Variants in MSRA observed in about 807,000 individuals in gnomAD.
The protein encoded by MSRA is mitochondrial peptide methionine sulfoxide reductase.
A neutral mutation model predicts 31.3 loss-of-function variants in MSRA; 54 were observed. The observed-to-expected ratio is 1.73, with a 90% CI of 1.39 to 2.17. The LOEUF (loss-of-function observed/expected upper bound fraction) is 2.17. Ranked by LOEUF, MSRA falls within the 30% of genes most tolerant of loss-of-function variation. MSRA has a pLI of 0.00. For missense variants in MSRA, 507 were observed against 300.9 expected, an observed-to-expected ratio of 1.69 and a Z score of -5.07; for synonymous variants, 169 against 116.5, an observed-to-expected ratio of 1.45 and a Z score of -2.90.
chr8:10,078,722 G>T (rs914790627), intron 1 of MSRA, among the ~76,000 whole-genome samples: 16 of 152,220 alleles, frequency 1.1e-4, no homozygotes, highest in African/African-American at 3.6e-4. Flanking sequence ...CCATTTTTCT[G>T]CCCTTCCCAT....
At chr8:10,257,104 G>A (rs1170492525) in intron 3 of MSRA, among the ~76,000 whole-genome samples, 1 of 152,130 alleles carries the variant, frequency 6.6e-6, no homozygotes, top group Non-Finnish European at 1.5e-5. Flanking sequence ...GCATTGCAAG[G>A]CAGGGTTAGT....
At chr8:10,248,503 C>T (rs531026631) in intron 3 of MSRA, among the ~76,000 whole-genome samples, 3 of 152,282 alleles carry the variant, frequency 2.0e-5, no homozygotes, top group African/African-American at 7.2e-5. Flanking sequence ...AAGGAACCAT[C>T]GGCTCAAGTT....
chr8:10,398,385 C>G (rs968575001), intron 5 of MSRA, among the ~76,000 whole-genome samples: 1 of 152,224 alleles, frequency 6.6e-6, no homozygotes, highest in African/African-American at 2.4e-5. Context: ...CCTCTGGTCC[C>G]TTGCCGAGAG....
At chr8:10,328,054 G>GTTTTTTTTTTTTT (rs1563356091) in intron 5 of MSRA, among the ~76,000 whole-genome samples, 1 of 58,944 alleles carries the variant, frequency 1.7e-5, no homozygotes, top group African/African-American at 8.9e-5. Flanking sequence ...TTTTTTTTTA[G>GTTTTTTTTTTTTT]TATCAGTGAC....
intron 1 of MSRA, among the ~76,000 whole-genome samples, chr8:10,055,852 C>T (rs2661754): frequency 0.82 from 124,783 of 152,068 alleles, 51,308 homozygotes; most frequent in Admixed American, 0.87. Flanking sequence ...GTTTAGAAAT[C>T]GTGTGACTGG....
chr8:10,291,333 AT>A (rs987409293), intron 3 of MSRA, among the ~76,000 whole-genome samples: 2 of 151,676 alleles, frequency 1.3e-5, no homozygotes. Context: ...CTCCACCAGT[AT>A]TTTTTTTCTA....
intron 1 of MSRA, among the ~76,000 whole-genome samples, chr8:10,142,448 C>G (rs142550653): frequency 0.015 from 2,212 of 152,328 alleles, 18 homozygotes; most frequent in Non-Finnish European, 0.021. Flanking sequence ...GTCCTCTAGG[C>G]TGCACTGCCC....
At chr8:10,310,539 A>C (rs975296930) in intron 4 of MSRA, among the ~76,000 whole-genome samples, 3 of 152,146 alleles carry the variant, frequency 2.0e-5, no homozygotes, top group African/African-American at 7.2e-5. Flanking sequence ...TGGTGTCTGC[A>C]CTCTGAGTGA....
chr8:10,078,221 TC>T (rs1287961856), intron 1 of MSRA, among the ~76,000 whole-genome samples: 1 of 152,222 alleles, frequency 6.6e-6, no homozygotes, highest in African/African-American at 2.4e-5. Flanking sequence ...GCTTTTTCTT[TC>T]CCTCTTCTTC....
At chr8:10,146,373 T>C (rs1326678189) in intron 1 of MSRA, among the ~76,000 whole-genome samples, 1 of 152,176 alleles carries the variant, frequency 6.6e-6, no homozygotes, top group East Asian at 1.9e-4. Context: ...AGGGTGAAAC[T>C]GTGAGCAAAA....
At chr8:10,106,998 A>G (rs954962084) in intron 1 of MSRA, among the ~76,000 whole-genome samples, 3 of 151,892 alleles carry the variant, frequency 2.0e-5, no homozygotes, top group African/African-American at 7.3e-5. Context: ...CTGTCAGCCC[A>G]TTATTCATTT....
intron 4 of MSRA, among the ~76,000 whole-genome samples, chr8:10,305,568 C>T (rs1353553322): frequency 6.6e-6 from 1 of 152,128 alleles, no homozygotes; most frequent in Non-Finnish European, 1.5e-5. Context: ...CATCCGCCAC[C>T]ACACCCAGCT....
chr8:10,171,447 A>G (rs922820796), intron 1 of MSRA, among the ~76,000 whole-genome samples: 5 of 151,440 alleles, frequency 3.3e-5, no homozygotes, highest in African/African-American at 7.3e-5. Flanking sequence ...AGGAATTCTG[A>G]TCAAATTTTC....
intron 5 of MSRA, among the ~76,000 whole-genome samples, chr8:10,398,129 G>A (rs1585681052): frequency 6.6e-6 from 1 of 152,300 alleles, no homozygotes; most frequent in Non-Finnish European, 1.5e-5. Flanking sequence ...AATTACAATG[G>A]TAACATTCAT....
intron 1 of MSRA, among the ~76,000 whole-genome samples, chr8:10,073,319 A>G (rs1797834072): frequency 6.6e-6 from 1 of 152,168 alleles, no homozygotes; most frequent in East Asian, 1.9e-4. Flanking sequence ...CAGTGTTTTT[A>G]TCAGGAAAAG....
chr8:10,180,321 G>T (rs1191758257), intron 1 of MSRA, among the ~76,000 whole-genome samples: 1 of 152,242 alleles, frequency 6.6e-6, no homozygotes, highest in Non-Finnish European at 1.5e-5. Flanking sequence ...TGTGGAAGGG[G>T]TGCAGAGCTT....
At chr8:10,072,053 G>T (rs1050691960) in intron 1 of MSRA, among the ~76,000 whole-genome samples, 1 of 131,852 alleles carries the variant, frequency 7.6e-6, no homozygotes, top group Admixed American at 8.0e-5. Flanking sequence ...CCTGTTTCCT[G>T]GGTGGGGAAC....
intron 1 of MSRA, among the ~76,000 whole-genome samples, chr8:10,090,224 G>A (rs1447794535): frequency 6.6e-6 from 1 of 152,176 alleles, no homozygotes; most frequent in Non-Finnish European, 1.5e-5. Flanking sequence ...ATGACTGGGT[G>A]CCTCTGGGAG....
At chr8:10,170,844 C>G in intron 1 of MSRA, among the ~76,000 whole-genome samples, 1 of 152,224 alleles carries the variant, frequency 6.6e-6, no homozygotes, top group East Asian at 1.9e-4. Flanking sequence ...CCCAAGTTGG[C>G]TAAGACATAG....
Sources: allele counts gnomAD v4.1 joint callset (sites outside exome capture counted in the v4.1 genomes callset), GRCh38; gene constraint gnomAD v4.1.1; transcripts MANE v1.5; gene names NCBI Gene and HGNC (gene_info 2026-07-23, HGNC 2026-07-21).